The following PHIP variants were observed in gnomAD, a reference collection of about 807,000 sequenced individuals.
The protein encoded by PHIP is PH-interacting protein.
In PHIP, 54 loss-of-function variants were observed where a neutral mutation model predicts 236.8. The observed-to-expected ratio is 0.23, with a 90% CI of 0.18 to 0.29. The LOEUF is 0.29. PHIP is among the 10% of genes least tolerant of loss of function. The pLI is 1.00. For missense variants in PHIP, 1,370 were observed against 2,190.8 expected (o/e 0.63, Z 7.48); for synonymous variants, 756 against 718.9 (o/e 1.05, Z -0.83).
intron 19 of PHIP, among the ~76,000 whole-genome samples, chr6:78,991,654 A>C (rs954652230): frequency 3.3e-5 from 5 of 152,144 alleles, no homozygotes; most frequent in Non-Finnish European, 5.9e-5. Context: ...TTAAGATTTT[A>C]TAATAAGAAG....
At chr6:78,974,839 T>C (rs1767925182) in intron 24 of PHIP, among the ~76,000 whole-genome samples, 2 of 150,886 alleles carry the variant, frequency 1.3e-5, no homozygotes. Flanking sequence ...GTTGAATCTC[T>C]GAATAGACCA....
rs1259886026 is a variant in PHIP at position 78,937,004 on chromosome 6, G to A, written c.*3689C>T. On this transcript the variant is annotated 3_prime_UTR_variant, in exon 40 of 40. Transcript: ENST00000275034. ...GTGTAACAAAACCACTGCTCAATCT[G>A]TTATGTTAGAAATACTTTTTAGGTT... 1 of 151,712 alleles carries A rather than the reference G, an allele frequency of 6.6e-6. No individual in the cohort carries two copies. Among genetic ancestry groups the A allele is most frequent in the East Asian group, 1.9e-4 (1 of 5,200 alleles). 9.4% of individuals were successfully genotyped at this position (151,712 alleles called of 1,614,324 possible).
chr6:78,974,713 T>C (rs1767912388), intron 24 of PHIP, among the ~76,000 whole-genome samples: 1 of 152,040 alleles, frequency 6.6e-6, no homozygotes, highest in Non-Finnish European at 1.5e-5. Context: ...CCCACAGAAA[T>C]ACAAACTACC....
Position 78,970,952 on chromosome 6 carries a change from T to C in PHIP, c.2890-64A>G, listed in dbSNP as rs565798127. On this transcript the variant is annotated intron_variant, in intron 24 of 39. Transcript: ENST00000275034. ...TTCCTTTAATCCAATATACAGGGTA[T>C]CAGCTGAAATTGCAAAGAGAAAATC... 8.5e-6 allele frequency: 9 copies of C among 1,064,380 alleles called. No homozygotes were observed. The East Asian group carries it at 2.3e-4, about 27-fold the overall frequency. The allele number at this position is 1,064,380 out of a possible 1,614,324, so 65.9% of individuals were successfully genotyped here. A position where few individuals can be genotyped will look rare whatever the true frequency, so the allele number is the denominator to read the frequency against.
At position 78,941,233 on chromosome 6, in the gene PHIP, T is replaced by G. The variant is rs766102589; in HGVS notation, c.4926A>C (p.Lys1642Asn). The change falls in exon 40 of 40, where the codon AAA becomes AAC. Residue 1642 changes from lysine to asparagine, a missense_variant. Lys to Asn is a moderately conservative substitution (Grantham distance 94). Coordinates refer to ENST00000275034, the MANE Select transcript of PHIP (RefSeq NM_017934.7). ...SKLVKRGPGR[K>N]PKVEVNTNSG... is the part of the protein sequence containing the mutation. Reference sequence around the variant, plus strand: ...TATTGGTATTAACTTCTACTTTAGGTTTCCTTCCAGGTCCCCTCTTCACAA... The same window carrying G: ...TATTGGTATTAACTTCTACTTTAGGGTTCCTTCCAGGTCCCCTCTTCACAA... The G allele has an allele frequency of 6.2e-7, 1 of 1,613,962 alleles. No homozygotes were observed. Among genetic ancestry groups the G allele is most frequent in the African/African-American group, 1.3e-5 (1 of 75,042 alleles).
intron 27 of PHIP, among the ~76,000 whole-genome samples, chr6:78,968,792 C>A (rs997600609): frequency 2.0e-5 from 3 of 152,086 alleles, no homozygotes; most frequent in Non-Finnish European, 4.4e-5. Flanking sequence ...ATTAAATCTT[C>A]CCACAATCTC....
chr6:79,012,048 A>T (rs1770604341), intron 15 of PHIP, among the ~76,000 whole-genome samples: 2 of 151,806 alleles, frequency 1.3e-5, no homozygotes, highest in South Asian at 4.1e-4. Flanking sequence ...AAGGCTTTTT[A>T]ACATAACAGG....
intron 12 of PHIP, 142 bp from the exon 13 acceptor site, chr6:79,016,784 T>C: frequency 5.8e-6 from 3 of 514,412 alleles, no homozygotes. Flanking sequence ...CTTTATGGGC[T>C]TTTTAGAATT....
intron 35 of PHIP, among the ~76,000 whole-genome samples, 172 bp downstream of exon 35, chr6:78,954,642 A>C (rs1766293396): frequency 6.6e-6 from 1 of 152,190 alleles, no homozygotes; most frequent in Admixed American, 6.5e-5. Context: ...CTTCCATTTT[A>C]CCACACTATT....
intron 23 of PHIP, among the ~76,000 whole-genome samples, chr6:78,979,098 G>A (rs1431115392): frequency 6.6e-6 from 1 of 152,092 alleles, no homozygotes; most frequent in African/African-American, 2.4e-5. Flanking sequence ...TTTTTTATAA[G>A]AGACTTGAAC....
At chr6:78,948,068 T>G (rs1186862078) in intron 35 of PHIP, among the ~76,000 whole-genome samples, 1 of 151,410 alleles carries the variant, frequency 6.6e-6, no homozygotes. Context: ...AGTAAAAGAG[T>G]AAGGAAAAAG....
intron 6 of PHIP, among the ~76,000 whole-genome samples, chr6:79,050,958 A>T (rs1393914965): frequency 6.6e-6 from 1 of 152,178 alleles, no homozygotes; most frequent in African/African-American, 2.4e-5. Flanking sequence ...TTGTTGTAAG[A>T]TTTGTTTGTG....
At chr6:79,040,601 T>C (rs964973926) in intron 7 of PHIP, among the ~76,000 whole-genome samples, 1 of 152,088 alleles carries the variant, frequency 6.6e-6, no homozygotes, top group Non-Finnish European at 1.5e-5. Context: ...CTGATTTCCA[T>C]AGGACTAGTT....
chr6:78,954,918 C>G lies in PHIP; in HGVS notation c.3949G>C (p.Asp1317His). 1.3e-6 allele frequency: 2 copies of G among 1,584,296 alleles called. No homozygotes were observed. Among genetic ancestry groups the G allele is most frequent in the Non-Finnish European group, 1.7e-6 (2 of 1,167,262 alleles). The part of the protein sequence containing the change: ...RRLRNRAQSY[D>H]IQAWKKQCEE... ...CACTGTTTCTTCCATGCTTGAATAT[C>G]GTAAGACTGGGCTCTATTACGTAAT... The change falls in exon 35 of 40, where the codon GAT becomes CAT. Residue 1317 changes from aspartate (D) to histidine (H), a missense_variant. Around this residue, in one of 14 missense-constraint regions of PHIP, gnomAD observed 125 missense variants for 235.1 expected, o/e 0.53. Transcript: ENST00000275034.
chr6:79,002,692 G>A (rs891687400), intron 16 of PHIP, among the ~76,000 whole-genome samples: 1 of 152,042 alleles, frequency 6.6e-6, no homozygotes, highest in African/African-American at 2.4e-5. Flanking sequence ...AGGCTACTGT[G>A]TAGAAAAGCT....
At chr6:79,013,934 C>A (rs9350799) in intron 15 of PHIP, among the ~76,000 whole-genome samples, 78,034 of 151,016 alleles carry the variant, frequency 0.52, 20,441 homozygotes, top group East Asian at 0.69. Context: ...GATAGAAAAG[C>A]AGAAAATATT....
intron 39 of PHIP, among the ~76,000 whole-genome samples, chr6:78,943,533 G>A (rs1773619462): frequency 1.3e-5 from 2 of 152,090 alleles, no homozygotes; most frequent in South Asian, 2.1e-4. Context: ...AAGCATTTTG[G>A]TTATTCAAAC....
intron 21 of PHIP, among the ~76,000 whole-genome samples, chr6:78,986,190 G>T (rs1287197389): frequency 6.6e-6 from 1 of 152,104 alleles, no homozygotes; most frequent in South Asian, 2.1e-4. Context: ...AAAAAAGGAT[G>T]TTCCACTTCT....
chr6:79,045,669 G>A (rs929641286), intron 6 of PHIP, among the ~76,000 whole-genome samples: 3 of 152,018 alleles, frequency 2.0e-5, no homozygotes, highest in African/African-American at 7.2e-5. Context: ...TGAGTAAAAA[G>A]GAAATGTCTC....
Sources: gnomAD v4.1 joint callset for allele counts (sites outside exome capture counted in the v4.1 genomes callset) on GRCh38, gnomAD v4.1.1 for gene constraint, gnomAD v4.1.1 regional missense constraint, MANE v1.5 for transcripts, NCBI Gene and HGNC (gene_info 2026-07-23, HGNC 2026-07-21) for gene names.